SYT1: variants seen among roughly 807,000 people sequenced by gnomAD.
The protein encoded by SYT1 is synaptotagmin 1, also known as synaptotagmin-1.
A neutral mutation model predicts 44.8 loss-of-function variants in SYT1; 8 were observed. That is an observed-to-expected ratio of 0.18 (90% confidence interval 0.10 to 0.32). The LOEUF is 0.32. SYT1 is among the 10% of genes least tolerant of loss of function. SYT1 has a pLI of 1.00. For synonymous variants in SYT1, 154 were observed against 188.8 expected (o/e 0.82, Z 1.51); for missense variants, 286 against 509.3 (o/e 0.56, Z 4.22).
At chr12:79,149,389 G>A (rs1827859265) in intron 3 of SYT1, among the ~76,000 whole-genome samples, 1 of 151,946 alleles carries the variant, frequency 6.6e-6, no homozygotes, top group Admixed American at 6.6e-5. Context: ...CTCAACTATG[G>A]GTAAAGTAGT....
intron 4 of SYT1, among the ~76,000 whole-genome samples, chr12:79,259,065 G>C (rs1347925054): frequency 2.0e-5 from 3 of 152,098 alleles, no homozygotes; most frequent in African/African-American, 7.2e-5. Flanking sequence ...ATGAAGAAAG[G>C]GAGAATATAA....
intron 1 of SYT1, among the ~76,000 whole-genome samples, chr12:78,928,906 T>C (rs1258440332): frequency 6.6e-6 from 1 of 152,166 alleles, no homozygotes; most frequent in East Asian, 1.9e-4. Context: ...TATATATGTC[T>C]GAATCATATT....
At chr12:79,065,706 C>A (rs934646420) in intron 3 of SYT1, among the ~76,000 whole-genome samples, 22 of 152,022 alleles carry the variant, frequency 1.4e-4, no homozygotes, top group African/African-American at 5.3e-4. Context: ...TGAAATCTGA[C>A]CAAAATGTGC....
At chr12:79,442,332 G>A (rs1870474835) in intron 9 of SYT1, among the ~76,000 whole-genome samples, 1 of 152,154 alleles carries the variant, frequency 6.6e-6, no homozygotes, top group Non-Finnish European at 1.5e-5. Context: ...TGGATTATCA[G>A]TGACATTTTT....
chr12:79,182,102 T>G (rs1042345755), intron 3 of SYT1, among the ~76,000 whole-genome samples: 7 of 152,160 alleles, frequency 4.6e-5, no homozygotes, highest in African/African-American at 1.7e-4. Context: ...TCCTTTCAAC[T>G]GCAAAATTGT....
chr12:79,093,977 T>C (rs986740825), intron 3 of SYT1, among the ~76,000 whole-genome samples: 7 of 151,604 alleles, frequency 4.6e-5, no homozygotes, highest in African/African-American at 1.7e-4. Flanking sequence ...TAAAGTAATT[T>C]TACAATGTGG....
intron 2 of SYT1, among the ~76,000 whole-genome samples, chr12:79,010,573 T>C (rs1871349993): frequency 6.6e-6 from 1 of 152,190 alleles, no homozygotes; most frequent in Non-Finnish European, 1.5e-5. Flanking sequence ...TTCCCTACTA[T>C]ATTTTTTAAA....
chr12:79,375,145 T>C (rs1883939972), intron 9 of SYT1, among the ~76,000 whole-genome samples: 1 of 152,190 alleles, frequency 6.6e-6, no homozygotes, highest in African/African-American at 2.4e-5. Flanking sequence ...AACATTTTCT[T>C]AGCTTACGAC....
intron 4 of SYT1, among the ~76,000 whole-genome samples, chr12:79,244,813 G>A (rs1005012084): frequency 2.6e-5 from 4 of 151,714 alleles, no homozygotes; most frequent in Admixed American, 1.3e-4. Flanking sequence ...TAGTGAAGCT[G>A]GGATTCTAGT....
At chr12:79,013,718 T>G (rs1433826151) in intron 2 of SYT1, among the ~76,000 whole-genome samples, 2 of 152,202 alleles carry the variant, frequency 1.3e-5, no homozygotes, top group Admixed American at 1.3e-4. Context: ...TAAAGCCACT[T>G]TTATTCTAGA....
At chr12:79,181,863 G>A (rs1042661845) in intron 3 of SYT1, among the ~76,000 whole-genome samples, 3 of 152,048 alleles carry the variant, frequency 2.0e-5, no homozygotes, top group African/African-American at 2.4e-5. Flanking sequence ...CCCTTTTCCA[G>A]AACATCTTTA....
In SYT1 at chr12:79,207,727, A is replaced by AT. The variant is rs558755694; in HGVS notation, c.-17-9771dup. 1.2e-3 allele frequency among the ~76,000 whole-genome samples: 186 copies of AT among 152,316 alleles called. 2 individuals carry two copies. Among genetic ancestry groups the AT allele is most frequent in the African/African-American group, 4.3e-3 (178 of 41,574 alleles). On this transcript the variant is annotated intron_variant, in intron 3 of 10. Coordinates refer to ENST00000261205, the MANE Select transcript of SYT1 (RefSeq NM_005639.3). ...CTTTTTGACACAGGATGTTATTATG[A>AT]TTTTTAAACAATGAAAATTAGGATT...
rs895259095 is a variant in SYT1, at chr12:79,031,297, C to T, written c.-83-16000C>T. On this transcript the variant is annotated intron_variant, in intron 2 of 10. Coordinates refer to ENST00000261205, the MANE Select transcript of SYT1 (RefSeq NM_005639.3). ...AATAAACGTAAATTTTATTTTATGC[C>T]TTCTGCAAATACTTCTGATATTCCC... is the stretch of plus-strand genomic sequence containing the variant. Among the ~76,000 whole-genome samples, 5 of 151,036 alleles carry T rather than the reference C, an allele frequency of 3.3e-5. No individual in the cohort carries two copies. The East Asian group carries it at 5.9e-4, about 18-fold the overall frequency.
intron 3 of SYT1, among the ~76,000 whole-genome samples, chr12:79,207,878 C>CATAAGAAA (rs1592853278): frequency 1.3e-5 from 2 of 152,060 alleles, no homozygotes; most frequent in East Asian, 3.9e-4. Flanking sequence ...GAGAATCTAG[C>CATAAGAAA]AAACTACATA....
At chr12:79,048,796 A>G (rs560320984) in intron 3 of SYT1, among the ~76,000 whole-genome samples, 4 of 152,002 alleles carry the variant, frequency 2.6e-5, no homozygotes, top group African/African-American at 4.8e-5. Context: ...AAACCTGCAA[A>G]TCTGCGTGAG....
intron 2 of SYT1, among the ~76,000 whole-genome samples, chr12:79,014,122 C>CAAAAAAAAAAAAAAAAAA (rs1358787041): frequency 2.5e-5 from 1 of 39,734 alleles, no homozygotes; most frequent in Non-Finnish European, 5.7e-5. Context: ...AGACTCTCTC[C>CAAAAAAAAAAAAAAAAAA]AAAAAAAAAA....
intron 2 of SYT1, among the ~76,000 whole-genome samples, chr12:79,043,454 C>T: frequency 6.8e-6 from 1 of 147,864 alleles, no homozygotes; most frequent in Admixed American, 6.8e-5. Context: ...GCAACCCCTG[C>T]CTTTTTTTGT....
chr12:79,346,298 G>C (rs1279243641), intron 8 of SYT1, among the ~76,000 whole-genome samples: 1 of 152,110 alleles, frequency 6.6e-6, no homozygotes, highest in Non-Finnish European at 1.5e-5. Context: ...TCATTAATTT[G>C]TGTCTATTCA....
At chr12:78,932,473 T>C (rs1592577018) in intron 1 of SYT1, among the ~76,000 whole-genome samples, 1 of 152,326 alleles carries the variant, frequency 6.6e-6, no homozygotes, top group East Asian at 1.9e-4. Context: ...TCTAATGTCA[T>C]ATGAAAATAC....
Sources: gnomAD v4.1 joint callset for allele counts (sites outside exome capture counted in the v4.1 genomes callset) on GRCh38, gnomAD v4.1.1 for gene constraint, MANE v1.5 for transcripts, NCBI Gene and HGNC (gene_info 2026-07-23, HGNC 2026-07-21) for gene names.